The following PPRC1 variants were observed in gnomAD, a reference collection of about 807,000 sequenced individuals.
PPRC1 encodes the protein PPARG related coactivator 1.
A neutral mutation model predicts 132.5 loss-of-function variants in PPRC1; 23 were observed. The observed-to-expected ratio is 0.17, with a 90% CI of 0.12 to 0.25. PPRC1 has a LOEUF of 0.25. Ranked by LOEUF, PPRC1 falls within the 10% of genes least tolerant of loss-of-function variation. The pLI is 1.00. For missense variants in PPRC1, 2,006 were observed against 2,089.1 expected (o/e 0.96, Z 0.78); for synonymous variants, 872 against 833.5 (o/e 1.05, Z -0.80).
rs2068824339 is a variant in PPRC1, at chr10:102,138,865, T to C, written c.490-14T>C. The C allele has an allele frequency of 1.2e-6, 2 of 1,613,382 alleles. No homozygotes were observed. The highest frequency in any genetic ancestry group is 2.2e-5 in the South Asian group (2 of 91,062). ...GAAGCATAGACTGATCTCAGGTCTT[T>C]CTTTCCCTCTTAGCTGCACAAGCTG... On this transcript the variant is annotated splice_polypyrimidine_tract_variant and intron_variant, in intron 3 of 13. Coordinates refer to ENST00000278070, the MANE Select transcript of PPRC1 (RefSeq NM_015062.5).
Position 102,141,758 on chromosome 10 carries a change from T to G in PPRC1, c.3250T>G (p.Cys1084Gly). 1.2e-6 allele frequency: 2 copies of G among 1,613,934 alleles called. No homozygotes were observed. Among genetic ancestry groups the G allele is most frequent in the Non-Finnish European group, 1.7e-6 (2 of 1,179,906 alleles). Residue 1084 changes from cysteine (C) to glycine (G), a missense_variant, in exon 5 of 14, where the codon TGT becomes GGT. Coordinates refer to ENST00000278070, the MANE Select transcript of PPRC1 (RefSeq NM_015062.5). Reference protein sequence around the residue: ...VQSPQMKALACVSAEGVTVEE... With the variant: ...VQSPQMKALAGVSAEGVTVEE... Reference sequence around the variant, plus strand: ...AAGTCCCCAGATGAAGGCTCTAGCATGTGTGTCTGCTGAAGGTGTGACTGT... The same window carrying G: ...AAGTCCCCAGATGAAGGCTCTAGCAGGTGTGTCTGCTGAAGGTGTGACTGT...
At chr10:102,133,353 C>G in intron 1 of PPRC1, 132 bp downstream of exon 1, 1 of 759,598 alleles carries the variant, frequency 1.3e-6, no homozygotes, top group Non-Finnish European at 1.8e-6. Context: ...CGGGCCGGAG[C>G]AAGTGGGCCC....
Position 102,139,447 on chromosome 10 carries a change from C to T in PPRC1, c.939C>T (p.His313=), listed in dbSNP as rs1344849366. ...TGAGTGAGCTGGTGCGGGCCATGCA[C>T]CCATACTGCCTGCCCAACCTCACCC... ...SSLSELVRAM[H]PYCLPNLTHL... The change falls in exon 5 of 14, where the codon CAC becomes CAT. Residue 313 remains histidine, a synonymous_variant. Coordinates refer to ENST00000278070, the MANE Select transcript of PPRC1 (RefSeq NM_015062.5). 2 of 1,614,092 alleles carry T rather than the reference C, an allele frequency of 1.2e-6. No homozygotes were observed. The highest frequency in any genetic ancestry group is 1.3e-5 in the African/African-American group (1 of 75,058).
chr10:102,122,462 C>CTTTT, the PPRC1 span, among the ~76,000 whole-genome samples: 2 of 133,564 alleles, frequency 1.5e-5, no homozygotes. Flanking sequence ...TCTTTCTGCC[C>CTTTT]TTTTTTTTTT....
At chr10:102,123,346 AC>A in the PPRC1 span, among the ~76,000 whole-genome samples, 1 of 151,668 alleles carries the variant, frequency 6.6e-6, no homozygotes, top group African/African-American at 2.4e-5. Context: ...GAGGTCACAG[AC>A]ACCTGGCAGA....
rs1406674862 is a variant in PPRC1 at position 102,148,089 on chromosome 10, C to T, written c.4401-283C>T. Among the ~76,000 whole-genome samples, 1 of 152,122 alleles carries T rather than the reference C, an allele frequency of 6.6e-6. No individual in the cohort carries two copies. Among genetic ancestry groups the T allele is most frequent in the African/African-American group, 2.4e-5 (1 of 41,432 alleles). On this transcript the variant is annotated intron_variant, in intron 9 of 13. Transcript: ENST00000278070. The surrounding 1 kb of genome is among the most constrained non-coding windows in gnomAD (Gnocchi z 4.2). ...TCTCCCTGAGTCTCCATTTATTGTT[C>T]TTCCTCTTTCTGATTTGTTAAATAT...
the PPRC1 span, among the ~76,000 whole-genome samples, chr10:102,122,367 C>A: frequency 2.0e-5 from 3 of 152,128 alleles, no homozygotes; most frequent in Admixed American, 1.3e-4. Flanking sequence ...TCCTCTGTAA[C>A]CTATGGCTTG....
intron 13 of PPRC1, 108 bp downstream of exon 13, chr10:102,149,437 A>G (rs779297183): frequency 6.9e-6 from 9 of 1,306,320 alleles, no homozygotes; most frequent in Non-Finnish European, 9.0e-6. Flanking sequence ...TTTGACATAC[A>G]AAGAACCCAA....
intron 8 of PPRC1, 114 bp downstream of exon 8, chr10:102,145,204 C>G: frequency 1.0e-6 from 1 of 970,708 alleles, no homozygotes. Flanking sequence ...TGATCTCCAG[C>G]CTTGAGATAC....
chr10:102,122,574 C>G, the PPRC1 span, among the ~76,000 whole-genome samples: 1 of 150,728 alleles, frequency 6.6e-6, no homozygotes, highest in Non-Finnish European at 1.5e-5. Context: ...TGACCTCCTT[C>G]TCTCTTTTCT....
Position 102,146,948 on chromosome 10 carries a change from C to A in PPRC1, c.3956C>A (p.Ser1319Tyr). 1 of 1,614,132 alleles carries A rather than the reference C, an allele frequency of 6.2e-7. No individual in the cohort carries two copies. Among genetic ancestry groups the A allele is most frequent in the Non-Finnish European group, 8.5e-7 (1 of 1,180,018 alleles). Residue 1319 changes from serine (S) to tyrosine (Y), a missense_variant, in exon 9 of 14, where the codon TCC becomes TAC. By Grantham distance (144) the Ser-to-Tyr change is moderately radical. Transcript: ENST00000278070. The stretch of plus-strand genomic sequence containing the variant: ...GCCCTAGTCATTCCAGAGGTGGGCT[C>A]CCGATGGAATGTCAAGCGCCATCAG... ...MPALVIPEVG[S>Y]RWNVKRHQDI...
rs1323835715 is a variant in PPRC1 at position 102,138,621 on chromosome 10, C to G, written c.345C>G (p.Ser115Arg). 1 of 1,613,934 alleles carries G rather than the reference C, an allele frequency of 6.2e-7. No individual in the cohort carries two copies. The highest frequency in any genetic ancestry group is 1.3e-5 in the African/African-American group (1 of 75,032). ...TTCTGGTTGTTTTTCTGGAGCAGAGCAGGTTATCTCTGGAGGACCAGAATG... is the reference window on the plus strand; with the variant it reads ...TTCTGGTTGTTTTTCTGGAGCAGAGGAGGTTATCTCTGGAGGACCAGAATG... Reference protein sequence around the residue: ...LIEDFGSLGESRLSLEDQNEV... With the variant: ...LIEDFGSLGERRLSLEDQNEV... The change falls in exon 3 of 14, where the codon AGC (serine) becomes AGG (arginine). Residue 115 changes from serine to arginine, a missense_variant and splice_region_variant. Physicochemically the swap from Ser to Arg is moderately radical, Grantham distance 110. Around this residue, in one of 2 missense-constraint regions of PPRC1, gnomAD observed 1,914 missense variants for 1,917.2 expected, o/e 1.00. Transcript: ENST00000278070.
rs550576470 is a variant in PPRC1 at position 102,136,454 on chromosome 10, T to C, written c.154-1396T>C. On this transcript the variant is annotated intron_variant, in intron 1 of 13. Transcript: ENST00000278070. The stretch of plus-strand genomic sequence containing the variant: ...CCTGTTCTCAGGCCTTTTTACTTCA[T>C]GTTTCCTATGCGGTAGTTTCCCCTT... 3.3e-5 allele frequency among the ~76,000 whole-genome samples: 5 copies of C among 152,242 alleles called. No homozygotes were observed. In the South Asian group the frequency reaches 1.0e-3, roughly 32 times the overall value.
the PPRC1 span, chr10:102,120,493 A>T: frequency 1.6e-6 from 1 of 613,224 alleles, no homozygotes. Flanking sequence ...TCCCCAGCCC[A>T]AGCCGGGCAG....
upstream of PPRC1, among the ~76,000 whole-genome samples, chr10:102,132,168 C>T (rs1223302083): frequency 6.6e-6 from 1 of 152,180 alleles, no homozygotes; most frequent in Non-Finnish European, 1.5e-5. Context: ...TAAATCTGGG[C>T]AGTAGAACTA....
rs1322217695 is a variant in PPRC1 at position 102,139,759 on chromosome 10, C to T, written c.1251C>T (p.Asn417=). The change falls in exon 5 of 14, where the codon AAC becomes AAT. Residue 417 remains asparagine, a synonymous_variant. Coordinates refer to ENST00000278070, the MANE Select transcript of PPRC1 (RefSeq NM_015062.5). ...CTGAGAAAGAGGGGTTGTCATTGAA[C>T]TCAGAGGAGAAGCTGGACTCAGCCT... ...LCSEKEGLSL[N]SEEKLDSACL... is the part of the protein sequence containing the mutation. 3 of 1,614,062 alleles carry T rather than the reference C, an allele frequency of 1.9e-6. No homozygotes were observed. The highest frequency in any genetic ancestry group is 2.5e-6 in the Non-Finnish European group (3 of 1,180,054).
chr10:102,146,598 G>T, intron 8 of PPRC1, 74 bp from the exon 9 acceptor site: 1 of 1,503,904 alleles, frequency 6.6e-7, no homozygotes. Context: ...GGTCTCTGGA[G>T]GCTATATACA....
Position 102,148,740 on chromosome 10 carries a change from G to C in PPRC1, c.4617+46G>C, listed in dbSNP as rs752234592. 1.9e-6 allele frequency: 3 copies of C among 1,614,088 alleles called. No homozygotes were observed. Among genetic ancestry groups the C allele is most frequent in the Non-Finnish European group, 2.5e-6 (3 of 1,179,926 alleles). ...TGGGAGGATGGGGCTTACCCCCTGA[G>C]CCTTGAGCTCAGAGAGCTGCCTGCA... On this transcript the variant is annotated intron_variant, in intron 11 of 13. Transcript: ENST00000278070. The surrounding 1 kb of genome is among the most constrained non-coding windows in gnomAD (Gnocchi z 4.2).
At chr10:102,128,928 T>C (rs1564923084), upstream of PPRC1, among the ~76,000 whole-genome samples, 2 of 131,730 alleles carry the variant, frequency 1.5e-5, no homozygotes, top group African/African-American at 2.9e-5. Flanking sequence ...GCAGTCTTTT[T>C]TTTTTTTTTT....
Sources: gnomAD v4.1 joint callset for allele counts (sites outside exome capture counted in the v4.1 genomes callset) on GRCh38, gnomAD v4.1.1 for gene constraint, gnomAD v4.1.1 regional missense constraint, Gnocchi (gnomAD v3.1) non-coding constraint, MANE v1.5 for transcripts, NCBI Gene and HGNC (gene_info 2026-07-23, HGNC 2026-07-21) for gene names.